BBS9: variants seen among roughly 807,000 people sequenced by gnomAD.
BBS9 encodes the protein Bardet-Biedl syndrome 9.
Under a neutral mutation model 117.7 loss-of-function variants are expected in BBS9, and 89 were observed. The ratio of observed to expected loss-of-function variants is 0.76; its 90% CI spans 0.64 to 0.90. The LOEUF (loss-of-function observed/expected upper bound fraction) is 0.90. BBS9 is among the 40% of genes least tolerant of loss of function. BBS9 has a pLI of 0.00. For synonymous variants in BBS9, 379 were observed against 370.9 expected, an observed-to-expected ratio of 1.02 and a Z score of -0.25; for missense variants, 982 against 1,042.2, an observed-to-expected ratio of 0.94 and a Z score of 0.80.
At chr7:33,576,843 C>T (rs139369168) in intron 21 of BBS9, among the ~76,000 whole-genome samples, 33,997 of 152,094 alleles carry the variant, frequency 0.22, 5,284 homozygotes, top group African/African-American at 0.43. Flanking sequence ...GGAAAACTGG[C>T]TAGCCATATG....
intron 21 of BBS9, among the ~76,000 whole-genome samples, chr7:33,597,079 AC>A (rs1862963898): frequency 7.0e-6 from 1 of 142,314 alleles, no homozygotes; most frequent in Admixed American, 6.8e-5. Flanking sequence ...TCACACACAC[AC>A]ACACACACAC....
chr7:33,378,678 G>A (rs7801765), intron 17 of BBS9, among the ~76,000 whole-genome samples: 2,460 of 152,288 alleles, frequency 0.016, 76 homozygotes, highest in African/African-American at 0.057. Context: ...GGCAGCTGAG[G>A]CAGACACTTG....
intron 19 of BBS9, among the ~76,000 whole-genome samples, chr7:33,425,742 C>G (rs1833568129): frequency 6.6e-6 from 1 of 152,160 alleles, no homozygotes; most frequent in Non-Finnish European, 1.5e-5. Flanking sequence ...CCTAGTTAAG[C>G]AGAGATGCTA....
intron 20 of BBS9, among the ~76,000 whole-genome samples, chr7:33,530,617 A>G (rs1301109005): frequency 6.6e-6 from 1 of 152,094 alleles, no homozygotes; most frequent in African/African-American, 2.4e-5. Context: ...ATCTCTTCCC[A>G]TTATTACTGA....
chr7:33,261,077 T>G (rs1253913303), intron 6 of BBS9, among the ~76,000 whole-genome samples: 2 of 152,118 alleles, frequency 1.3e-5, no homozygotes, highest in Non-Finnish European at 2.9e-5. Context: ...TTTTTTTTTT[T>G]TCCCACATAC....
At chr7:33,633,435 G>A (rs1339374042) in intron 21 of BBS9, among the ~76,000 whole-genome samples, 1 of 151,712 alleles carries the variant, frequency 6.6e-6, no homozygotes, top group Non-Finnish European at 1.5e-5. Flanking sequence ...CAGCTGACAG[G>A]TTTTGAAGAT....
intron 21 of BBS9, among the ~76,000 whole-genome samples, chr7:33,625,646 A>G (rs1413060125): frequency 6.6e-6 from 1 of 152,200 alleles, no homozygotes; most frequent in Non-Finnish European, 1.5e-5. Context: ...ATTGTAATTA[A>G]TACATTAATT....
rs865871274 is a variant in BBS9 at position 33,297,868 on chromosome 7, A to G, written c.1016+23912A>G. Among the ~76,000 whole-genome samples, 7 of 152,176 alleles carry G rather than the reference A, an allele frequency of 4.6e-5. No individual in the cohort carries two copies. In the South Asian group the frequency reaches 8.3e-4, roughly 18 times the overall value. On this transcript the variant is annotated intron_variant, in intron 9 of 22. Transcript: ENST00000242067. ...CATCATCTTATTGAAAACTTCTTGG[A>G]CAATTATAGTACCTTATAAATAGTT... is the stretch of plus-strand genomic sequence containing the variant.
intron 9 of BBS9, among the ~76,000 whole-genome samples, chr7:33,300,008 G>A (rs1806049060): frequency 6.6e-6 from 1 of 152,162 alleles, no homozygotes; most frequent in African/African-American, 2.4e-5. Flanking sequence ...AGAGACACTA[G>A]CAAGGAATGG....
intron 19 of BBS9, among the ~76,000 whole-genome samples, chr7:33,411,294 A>G (rs1434568524): frequency 6.6e-6 from 1 of 152,192 alleles, no homozygotes; most frequent in Non-Finnish European, 1.5e-5. Flanking sequence ...TCTTGATTGT[A>G]TCAAGTTCAG....
chr7:33,555,311 T>A (rs919672198), intron 21 of BBS9, among the ~76,000 whole-genome samples: 1 of 152,218 alleles, frequency 6.6e-6, no homozygotes, highest in Non-Finnish European at 1.5e-5. Context: ...CTTGAACACT[T>A]AACTACATTT....
At chr7:33,630,970 A>G (rs954613461) in intron 21 of BBS9, among the ~76,000 whole-genome samples, 2 of 152,136 alleles carry the variant, frequency 1.3e-5, no homozygotes, top group African/African-American at 2.4e-5. Context: ...AATAGACTTT[A>G]CTCAATGAAT....
At position 33,351,295 on chromosome 7, in the gene BBS9, T is replaced by C; in HGVS notation, c.1509T>C (p.Asn503=). 1 of 1,612,548 alleles carries C rather than the reference T, an allele frequency of 6.2e-7. No individual in the cohort carries two copies. Among genetic ancestry groups the C allele is most frequent in the Non-Finnish European group, 8.5e-7 (1 of 1,178,640 alleles). The part of the protein sequence containing the change: ...RSYTPSELEG[N]AVVSYSRPTD... The stretch of plus-strand genomic sequence containing the variant: ...ATACACCATCAGAATTGGAAGGAAA[T>C]GCTGTTGTTTCTTATTCCAGACCAA... Residue 503 remains asparagine (N), a synonymous_variant, in exon 14 of 23, where the codon AAT becomes AAC. Transcript: ENST00000242067.
At chr7:33,132,789 C>G (rs781579282) in intron 1 of BBS9, among the ~76,000 whole-genome samples, 1 of 152,060 alleles carries the variant, frequency 6.6e-6, no homozygotes, top group African/African-American at 2.4e-5. Flanking sequence ...GATTGGAATA[C>G]AGATTAGCAT....
chr7:33,566,778 C>A (rs1856994473), intron 21 of BBS9, among the ~76,000 whole-genome samples: 1 of 152,056 alleles, frequency 6.6e-6, no homozygotes, highest in Non-Finnish European at 1.5e-5. Context: ...ACTTTCAAAT[C>A]ACAGATGCTA....
chr7:33,211,158 C>T (rs1486566869), intron 5 of BBS9, among the ~76,000 whole-genome samples: 1 of 152,036 alleles, frequency 6.6e-6, no homozygotes, highest in Non-Finnish European at 1.5e-5. Context: ...GAGTTTAGTC[C>T]ATTTACATTT....
At chr7:33,440,096 A>G (rs1331332416) in intron 19 of BBS9, among the ~76,000 whole-genome samples, 2 of 152,188 alleles carry the variant, frequency 1.3e-5, no homozygotes, top group African/African-American at 2.4e-5. Flanking sequence ...CAGCTTTGTG[A>G]TCATGGAAAA....
At chr7:33,497,782 T>C (rs1381697351) in intron 19 of BBS9, among the ~76,000 whole-genome samples, 1 of 152,206 alleles carries the variant, frequency 6.6e-6, no homozygotes, top group Admixed American at 6.5e-5. Flanking sequence ...AAATGAACAC[T>C]GTTTTCACTG....
chr7:33,263,694 A>G (rs978056413), intron 6 of BBS9, among the ~76,000 whole-genome samples: 13 of 152,104 alleles, frequency 8.5e-5, no homozygotes, highest in African/African-American at 2.9e-4. Context: ...TTGTCAACCC[A>G]TCAATCAATA....
Sources: allele counts gnomAD v4.1 joint callset (sites outside exome capture counted in the v4.1 genomes callset), GRCh38; gene constraint gnomAD v4.1.1; transcripts MANE v1.5; gene names NCBI Gene and HGNC (gene_info 2026-07-23, HGNC 2026-07-21).